Variants in TMC1 observed in about 807,000 individuals in gnomAD.
The protein encoded by TMC1 is transmembrane channel-like protein 1.
Under a neutral mutation model 105.8 loss-of-function variants are expected in TMC1, and 84 were observed. That is an observed-to-expected ratio of 0.79 (90% CI 0.67 to 0.95). TMC1 has a LOEUF of 0.95. Ranked by LOEUF, TMC1 falls within the 40% of genes least tolerant of loss-of-function variation. The pLI, the probability that TMC1 is intolerant of heterozygous loss-of-function variation, is 0.00. For synonymous variants in TMC1, 315 were observed against 311.5 expected (o/e 1.01, Z -0.12); for missense variants, 817 against 914.1 (o/e 0.89, Z 1.37).
chr9:72,760,002 A>G (rs576564087), intron 12 of TMC1, among the ~76,000 whole-genome samples: 1 of 152,156 alleles, frequency 6.6e-6, no homozygotes, highest in Non-Finnish European at 1.5e-5. Flanking sequence ...TTAATCTTTC[A>G]TAATAATCTT....
rs1206329393 is a variant in TMC1 at position 72,543,674 on chromosome 9, T to C, written c.-428+21761T>C. On this transcript the variant is annotated intron_variant, in intron 1 of 23. Transcript: ENST00000297784. The stretch of plus-strand genomic sequence containing the variant: ...GGTGGGTGCCTGTAATCCCAGCTAC[T>C]TGGGAGGCTGAGGCAGAACTGCTTG... Among the ~76,000 whole-genome samples, 4 of 152,180 alleles carry C rather than the reference T, an allele frequency of 2.6e-5. No individual in the cohort carries two copies. In the South Asian group the frequency reaches 8.3e-4, roughly 32 times the overall value.
chr9:72,714,906 T>C (rs879767779), intron 8 of TMC1, among the ~76,000 whole-genome samples: 30 of 152,210 alleles, frequency 2.0e-4, no homozygotes, highest in Non-Finnish European at 3.7e-4. Flanking sequence ...CTGGTACTAG[T>C]TGTTCCTTTC....
chr9:72,821,205 A>C, intron 20 of TMC1, 124 bp downstream of exon 20: 1 of 1,468,408 alleles, frequency 6.8e-7, no homozygotes, highest in South Asian at 1.1e-5. Context: ...GGTGGAAATG[A>C]GATCCCGGCT....
At chr9:72,762,614 G>C (rs1273842730) in intron 12 of TMC1, among the ~76,000 whole-genome samples, 1 of 152,174 alleles carries the variant, frequency 6.6e-6, no homozygotes, top group African/African-American at 2.4e-5. Flanking sequence ...TAAGCCTCTT[G>C]TGGACAAATT....
chr9:72,681,002 TACGGAGG>T (rs1826277180), intron 5 of TMC1, among the ~76,000 whole-genome samples: 1 of 152,160 alleles, frequency 6.6e-6, no homozygotes, highest in South Asian at 2.1e-4. Context: ...GCAAAAATGC[TACGGAGG>T]ACAGAAAGAT....
At chr9:72,543,114 G>A (rs1823706022) in intron 1 of TMC1, among the ~76,000 whole-genome samples, 1 of 152,084 alleles carries the variant, frequency 6.6e-6, no homozygotes, top group Admixed American at 6.5e-5. Context: ...CATCTTGTAA[G>A]GTTGCCTTTG....
chr9:72,655,908 G>GA (rs769498973), intron 5 of TMC1: 9 of 794,542 alleles, frequency 1.1e-5, no homozygotes, highest in Non-Finnish European at 1.8e-5. Flanking sequence ...AACAATCTCA[G>GA]AAGGACTGAG....
At chr9:72,748,707 G>T (rs930620415) in intron 10 of TMC1, among the ~76,000 whole-genome samples, 1 of 152,102 alleles carries the variant, frequency 6.6e-6, no homozygotes, top group Non-Finnish European at 1.5e-5. Flanking sequence ...GATAAAGAGG[G>T]AAGATTTCTT....
intron 1 of TMC1, among the ~76,000 whole-genome samples, chr9:72,536,440 C>T (rs1452048575): frequency 6.6e-6 from 1 of 152,144 alleles, no homozygotes; most frequent in Non-Finnish European, 1.5e-5. Flanking sequence ...TCACGCCATT[C>T]TCCTGCCTCA....
intron 17 of TMC1, among the ~76,000 whole-genome samples, chr9:72,793,139 G>A (rs1264127215): frequency 1.3e-5 from 2 of 152,166 alleles, no homozygotes; most frequent in African/African-American, 2.4e-5. Context: ...TTAAGCACAT[G>A]CAGAGACCCG....
chr9:72,819,276 T>G (rs1035362257), intron 19 of TMC1, among the ~76,000 whole-genome samples: 2 of 152,218 alleles, frequency 1.3e-5, no homozygotes, highest in Non-Finnish European at 2.9e-5. Flanking sequence ...CTAATTTCTA[T>G]TCATACTTTA....
At chr9:72,764,494 G>C (rs1334422593) in intron 12 of TMC1, among the ~76,000 whole-genome samples, 1 of 152,102 alleles carries the variant, frequency 6.6e-6, no homozygotes, top group Non-Finnish European at 1.5e-5. Flanking sequence ...ATTTTGTTAA[G>C]AGTTTTATGC....
chr9:72,817,476 C>G (rs1412991493), intron 19 of TMC1, among the ~76,000 whole-genome samples: 1 of 152,118 alleles, frequency 6.6e-6, no homozygotes, highest in Non-Finnish European at 1.5e-5. Flanking sequence ...TCTGAGCTTT[C>G]ATTTCCTGGA....
Position 72,837,302 on chromosome 9 carries a change from A to G in TMC1, c.*1329A>G, listed in dbSNP as rs1276162408. On this transcript the variant is annotated 3_prime_UTR_variant, in exon 24 of 24. Transcript: ENST00000297784. The stretch of plus-strand genomic sequence containing the variant: ...AAGATCTCCGGCTCAGGTGTTTTCT[A>G]TCTATTGGGAGACTGTCTTTCCCTA... 2.6e-5 allele frequency: 4 copies of G among 152,072 alleles called. No individual in the cohort carries two copies. The highest frequency in any genetic ancestry group is 6.6e-5 in the Admixed American group (1 of 15,264). The allele number at this position is 152,072 out of a possible 1,614,324, so 9.4% of individuals were successfully genotyped here.
intron 20 of TMC1, among the ~76,000 whole-genome samples, chr9:72,822,462 C>G (rs929526897): frequency 1.3e-5 from 2 of 151,750 alleles, no homozygotes; most frequent in African/African-American, 4.8e-5. Context: ...GTTAAACTAG[C>G]TGGACCTCTG....
At chr9:72,683,127 A>G (rs1368569574) in intron 5 of TMC1, among the ~76,000 whole-genome samples, 1 of 152,156 alleles carries the variant, frequency 6.6e-6, no homozygotes, top group Non-Finnish European at 1.5e-5. Context: ...AATTTGAACC[A>G]TATCCTGGGC....
intron 14 of TMC1, among the ~76,000 whole-genome samples, chr9:72,788,724 T>G (rs899777370): frequency 3.3e-5 from 5 of 152,198 alleles, no homozygotes; most frequent in Admixed American, 6.5e-5. Flanking sequence ...ATAATGTTAC[T>G]GGATTGAAAT....
chr9:72,603,496 G>T (rs999402494), intron 2 of TMC1, among the ~76,000 whole-genome samples: 1 of 151,908 alleles, frequency 6.6e-6, no homozygotes, highest in African/African-American at 2.4e-5. Context: ...TGTTCTGAAG[G>T]CTCATCTCCT....
chr9:72,642,469 G>T (rs999244602), intron 4 of TMC1, among the ~76,000 whole-genome samples: 2 of 152,216 alleles, frequency 1.3e-5, no homozygotes, highest in African/African-American at 4.8e-5. Context: ...CAGGCAATAT[G>T]CCTTAAATAG....
Sources: gnomAD v4.1 joint callset for allele counts (sites outside exome capture counted in the v4.1 genomes callset) on GRCh38, gnomAD v4.1.1 for gene constraint, MANE v1.5 for transcripts, NCBI Gene and HGNC (gene_info 2026-07-23, HGNC 2026-07-21) for gene names.